The following APOL1 variants were observed in gnomAD, a reference collection of about 807,000 sequenced individuals.
The protein encoded by APOL1 is apolipoprotein L 1.
APOL1 carries 17 observed loss-of-function variants against 14.9 expected under a neutral mutation model. The ratio of observed to expected loss-of-function variants is 1.14; its 90% confidence interval spans 0.78 to 1.71. The LOEUF is 1.71. Among genes scored for constraint, APOL1 ranks in the 40% most tolerant of loss-of-function variants. The probability of loss-of-function intolerance (pLI) is 0.00; values close to 1 mark genes in which losing one functional copy is unlikely to be tolerated. For synonymous variants in APOL1, 195 were observed against 184.8 expected, an observed-to-expected ratio of 1.05 and a Z score of -0.45; for missense variants, 523 against 485.9, an observed-to-expected ratio of 1.08 and a Z score of -0.72.
chr22:36,265,758 G>C lies in APOL1; in HGVS notation c.922G>C (p.Glu308Gln). ...HASASRPRVT[E>Q]PISAESGEQV... is the part of the protein sequence containing the mutation. The stretch of plus-strand genomic sequence containing the variant: ...CTCAGCCTCACGCCCCCGGGTCACT[G>C]AGCCAATCTCAGCTGAAAGCGGTGA... Residue 308 changes from glutamate to glutamine, a missense_variant, in exon 6 of 6, where the codon GAG (glutamate) becomes CAG (glutamine). Physicochemically the swap from Glu to Gln is conservative, Grantham distance 29. Transcript: ENST00000397278. 1 of 1,614,182 alleles carries C rather than the reference G, an allele frequency of 6.2e-7. No homozygotes were observed. Among genetic ancestry groups the C allele is most frequent in the Non-Finnish European group, 8.5e-7 (1 of 1,180,038 alleles).
intron 1 of APOL1, among the ~76,000 whole-genome samples, chr22:36,254,388 G>A (rs760220363): frequency 6.6e-6 from 1 of 152,116 alleles, no homozygotes; most frequent in Non-Finnish European, 1.5e-5. Context: ...CACAGGAGAT[G>A]CTGTCTCTAT....
chr22:36,264,499 C>T (rs921479678), intron 5 of APOL1, among the ~76,000 whole-genome samples: 29 of 152,186 alleles, frequency 1.9e-4, no homozygotes, highest in Non-Finnish European at 3.4e-4. Context: ...ACTCTCACTG[C>T]TCTTTGTTCA....
chr22:36,261,381 T>A (rs1022814236), intron 4 of APOL1, among the ~76,000 whole-genome samples: 1 of 152,178 alleles, frequency 6.6e-6, no homozygotes, highest in Admixed American at 6.5e-5. Context: ...ATTGCTTCCT[T>A]AAAGGCCAGA....
chr22:36,258,650 G>T (rs997143920), intron 4 of APOL1, among the ~76,000 whole-genome samples: 1 of 152,278 alleles, frequency 6.6e-6, no homozygotes, highest in Admixed American at 6.5e-5. Flanking sequence ...GAGTGCAGGC[G>T]GACTCAGAAG....
chr22:36,255,242 A>G (rs918877044), intron 2 of APOL1, among the ~76,000 whole-genome samples: 2 of 152,220 alleles, frequency 1.3e-5, no homozygotes, highest in Non-Finnish European at 2.9e-5. Context: ...AGCCAGGCCA[A>G]CAATGACCAA....
chr22:36,266,326 T>C lies in APOL1; in HGVS notation c.*293T>C, dbSNP rs2016261339. 1 of 411,410 alleles carries C rather than the reference T, an allele frequency of 2.4e-6. No individual in the cohort carries two copies. 25.5% of individuals were successfully genotyped at this position (411,410 alleles called of 1,614,324 possible). On this transcript the variant is annotated 3_prime_UTR_variant, in exon 6 of 6. Transcript: ENST00000397278. Reference sequence around the variant, plus strand: ...GGATGGTCTCGATCTCCTGACCTCTTGATCTGCCCACCTTGGCCTCCCAAA... The same window carrying C: ...GGATGGTCTCGATCTCCTGACCTCTCGATCTGCCCACCTTGGCCTCCCAAA...
intron 3 of APOL1, 75 bp downstream of exon 3, chr22:36,257,211 T>C (rs2015912000): frequency 6.2e-7 from 1 of 1,609,002 alleles, no homozygotes; most frequent in African/African-American, 1.3e-5. Context: ...GTCTTGGTGT[T>C]TGCTTCCACC....
At position 36,266,084 on chromosome 22, in the gene APOL1, C is replaced by T. The variant is rs776734646; in HGVS notation, c.*51C>T. ...GAGATATGCCTGGCAGGGGCCAGGA[C>T]AAAATGCAAACTTTTTTTTTTTTCT... On this transcript the variant is annotated 3_prime_UTR_variant, in exon 6 of 6. Transcript: ENST00000397278. 23 of 1,514,252 alleles carry T rather than the reference C, an allele frequency of 1.5e-5. No individual in the cohort carries two copies. In the East Asian group the frequency reaches 4.3e-4, roughly 28 times the overall value. 93.8% of individuals were successfully genotyped at this position (1,514,252 alleles called of 1,614,324 possible).
chr22:36,262,171 T>C (rs2016095955), intron 5 of APOL1, among the ~76,000 whole-genome samples: 1 of 152,220 alleles, frequency 6.6e-6, no homozygotes, highest in Non-Finnish European at 1.5e-5. Flanking sequence ...CCAGCAGGAC[T>C]TGACCTTTGG....
In APOL1 at chr22:36,265,562, C is replaced by T; in HGVS notation, c.726C>T (p.Asp242=). The stretch of plus-strand genomic sequence containing the variant: ...GGTGGACACAAGCCCAAGCCCACGA[C>T]CTGGTCATCAAAAGCCTTGACAAAT... The part of the protein sequence containing the change: ...KKWWTQAQAH[D]LVIKSLDKLK... The change falls in exon 6 of 6, where the codon GAC becomes GAT. Residue 242 remains aspartate (D), a synonymous_variant. Transcript: ENST00000397278. The T allele has an allele frequency of 6.2e-7, 1 of 1,602,380 alleles. No individual in the cohort carries two copies. Among genetic ancestry groups the T allele is most frequent in the Non-Finnish European group, 8.5e-7 (1 of 1,174,274 alleles).
In APOL1 at chr22:36,253,143, C is replaced by T. The variant is rs942726509; in HGVS notation, c.-96C>T. The T allele has an allele frequency of 5.1e-5, 25 of 487,458 alleles. No homozygotes were observed. The highest frequency in any genetic ancestry group is 3.4e-4 in the African/African-American group (17 of 50,214). 30.2% of individuals were successfully genotyped at this position (487,458 alleles called of 1,614,324 possible). A position where few individuals can be genotyped will look rare whatever the true frequency, so the allele number is the denominator to read the frequency against. On this transcript the variant is annotated 5_prime_UTR_variant, in exon 1 of 6. In the 5' UTR this introduces an upstream ATG that the reference lacks. Transcript: ENST00000397278. ...AGGACCTGTCTGGTTATTATACAGA[C>T]GCATAACTGGAGGTGGGATCCACAC...
At chr22:36,260,196 G>A (rs1041413078) in intron 4 of APOL1, among the ~76,000 whole-genome samples, 4 of 152,108 alleles carry the variant, frequency 2.6e-5, no homozygotes, top group Non-Finnish European at 5.9e-5. Flanking sequence ...AGATCGAGAC[G>A]ATCCTGTCTA....
intron 4 of APOL1, among the ~76,000 whole-genome samples, chr22:36,258,373 G>C (rs2015962235): frequency 6.6e-6 from 1 of 152,244 alleles, no homozygotes; most frequent in African/African-American, 2.4e-5. Flanking sequence ...TGGTGAAAAA[G>C]TGTCGGAGAC....
At chr22:36,253,477 C>T (rs2015756476) in intron 1 of APOL1, among the ~76,000 whole-genome samples, 1 of 152,084 alleles carries the variant, frequency 6.6e-6, no homozygotes, top group African/African-American at 2.4e-5. Context: ...ACTGAGTGAA[C>T]CCAGAAGGAA....
At position 36,265,425 on chromosome 22, in the gene APOL1, G is replaced by A; in HGVS notation, c.589G>A (p.Ala197Thr). The A allele has an allele frequency of 2.5e-6, 4 of 1,614,108 alleles. No individual in the cohort carries two copies. Among genetic ancestry groups the A allele is most frequent in the Non-Finnish European group, 3.4e-6 (4 of 1,180,018 alleles). Residue 197 changes from alanine (A) to threonine (T), a missense_variant, in exon 6 of 6, where the codon GCA becomes ACA. Coordinates refer to ENST00000397278, the MANE Select transcript of APOL1 (RefSeq NM_003661.4). ...CCTGACCCTCGTCGGCATGGGTCTG[G>A]CACCCTTCACAGAGGGAGGCAGCCT... is the stretch of plus-strand genomic sequence containing the variant. ...GILTLVGMGL[A>T]PFTEGGSLVL... is the part of the protein sequence containing the mutation.
At chr22:36,264,649 A>G (rs906612119) in intron 5 of APOL1, among the ~76,000 whole-genome samples, 67 of 152,330 alleles carry the variant, frequency 4.4e-4, no homozygotes, top group African/African-American at 1.6e-3. Flanking sequence ...TATGGAATAA[A>G]TATTGAGGAG....
chr22:36,261,733 TG>T lies in APOL1; in HGVS notation c.314+15del. On this transcript the variant is annotated intron_variant, in intron 5 of 5. Transcript: ENST00000397278. ...TGCTGAACTGCCCAGGTAAGCTCCA[TG>T]GGGTTACCTCCATTGGGCACTCCGG... The T allele has an allele frequency of 1.2e-6, 2 of 1,613,034 alleles. No individual in the cohort carries two copies. The highest frequency in any genetic ancestry group is 1.7e-6 in the Non-Finnish European group (2 of 1,179,236).
intron 5 of APOL1, among the ~76,000 whole-genome samples, chr22:36,262,572 T>TTG (rs1338037515): frequency 2.0e-5 from 3 of 152,008 alleles, no homozygotes; most frequent in Non-Finnish European, 2.9e-5. Context: ...CAGCCTTGGT[T>TTG]GTAGGACAAG....
rs150588135 is a variant in APOL1, at chr22:36,265,750, G to A, written c.914G>A (p.Arg305Gln). ...CCGCATGCCTCAGCCTCACGCCCCC[G>A]GGTCACTGAGCCAATCTCAGCTGAA... is the stretch of plus-strand genomic sequence containing the variant. ...SVPHASASRP[R>Q]VTEPISAESG... is the part of the protein sequence containing the mutation. The change falls in exon 6 of 6, where the codon CGG becomes CAG. Residue 305 changes from arginine (R) to glutamine (Q), a missense_variant. Physicochemically the swap from Arg to Gln is conservative, Grantham distance 43 (BLOSUM62 1). Transcript: ENST00000397278. 3.7e-5 allele frequency: 59 copies of A among 1,614,028 alleles called. No homozygotes were observed. In the African/African-American group the frequency reaches 5.5e-4, roughly 15 times the overall value.
Sources: allele counts gnomAD v4.1 joint callset (sites outside exome capture counted in the v4.1 genomes callset), GRCh38; gene constraint gnomAD v4.1.1; transcripts MANE v1.5; gene names NCBI Gene and HGNC (gene_info 2026-07-23, HGNC 2026-07-21).